The following GRAMD1C variants were observed in gnomAD, a reference collection of about 807,000 sequenced individuals.
GRAMD1C encodes the protein GRAM domain containing 1C, also known as protein Aster-C.
In GRAMD1C, 89 loss-of-function variants were observed where a neutral mutation model predicts 97.8. The observed-to-expected ratio is 0.91, with a 90% CI of 0.77 to 1.09. The LOEUF (loss-of-function observed/expected upper bound fraction) is 1.09. GRAMD1C is among the 50% of genes least tolerant of loss of function. The pLI is 0.00. For missense variants in GRAMD1C, 740 were observed against 766.4 expected (o/e 0.97, Z 0.41); for synonymous variants, 256 against 267.0 (o/e 0.96, Z 0.40).
At chr3:113,848,023 G>T (rs1559776174) in intron 2 of GRAMD1C, among the ~76,000 whole-genome samples, 1 of 152,192 alleles carries the variant, frequency 6.6e-6, no homozygotes, top group Non-Finnish European at 1.5e-5. Context: ...AAAAGTATTG[G>T]TATTTACAGA....
Position 113,904,610 on chromosome 3 carries a change from GT to G in GRAMD1C, c.789+351del, listed in dbSNP as rs199523688. 6.8e-3 allele frequency among the ~76,000 whole-genome samples: 1,001 copies of G among 146,774 alleles called. 13 individuals carry two copies. Among genetic ancestry groups the G allele is most frequent in the African/African-American group, 0.021 (829 of 39,882 alleles). On this transcript the variant is annotated intron_variant, in intron 8 of 17. Transcript: ENST00000358160. ...GTACTGTGTGTGCTGGAAAGAATCT[GT>G]TTTTTTTTTTTTCTTTCTTTCTTTC...
chr3:113,908,070 T>A (rs1175656460), intron 8 of GRAMD1C, among the ~76,000 whole-genome samples: 4 of 152,206 alleles, frequency 2.6e-5, no homozygotes. Context: ...GGGTGGCCAG[T>A]GGAAACCTGT....
rs1934992836 is a variant in GRAMD1C, at chr3:113,875,561, A to G, written c.337A>G (p.Ser113Gly). The G allele has an allele frequency of 4.0e-6, 6 of 1,502,118 alleles. No homozygotes were observed. The African/African-American group carries it at 6.8e-5, about 17-fold the overall frequency. 93.0% of individuals were successfully genotyped at this position (1,502,118 alleles called of 1,614,324 possible). ...YLSENWLCFY[S>G]NIFRWETTIS... ...TTCAGAAAACTGGCTATGTTTCTAT[A>G]GCAACATCTTCAGATGGGAAACTAC... is the stretch of plus-strand genomic sequence containing the variant. The change falls in exon 4 of 18, where the codon AGC becomes GGC. Residue 113 changes from serine to glycine, a missense_variant. Ser to Gly is a moderately conservative substitution (Grantham distance 56, BLOSUM62 0). Transcript: ENST00000358160.
At chr3:113,887,096 G>GTTTTTTTTTT (rs59820635) in intron 6 of GRAMD1C, among the ~76,000 whole-genome samples, 2 of 94,050 alleles carry the variant, frequency 2.1e-5, no homozygotes, top group East Asian at 4.3e-4. Flanking sequence ...TTTTTTTTTT[G>GTTTTTTTTTT]TTTTTTTTTT....
At chr3:113,913,436 A>G (rs1441804735) in intron 9 of GRAMD1C, among the ~76,000 whole-genome samples, 2,120 of 150,498 alleles carry the variant, frequency 0.014, 21 homozygotes, top group African/African-American at 0.049. Context: ...CTCCAAAAAA[A>G]AAAAAAAAAA....
At chr3:113,873,682 C>T (rs1238597634) in intron 3 of GRAMD1C, among the ~76,000 whole-genome samples, 1 of 152,086 alleles carries the variant, frequency 6.6e-6, no homozygotes, top group African/African-American at 2.4e-5. Flanking sequence ...CCATACCTGG[C>T]TAATTTTTGT....
intron 10 of GRAMD1C, among the ~76,000 whole-genome samples, chr3:113,918,119 C>A (rs1220891659): frequency 6.6e-6 from 1 of 152,078 alleles, no homozygotes; most frequent in Non-Finnish European, 1.5e-5. Context: ...AGTAGCTATT[C>A]TCCTGTGATT....
Position 113,936,551 on chromosome 3 carries a change from C to T in GRAMD1C, c.1633+109C>T, listed in dbSNP as rs545298048. 13 of 644,640 alleles carry T rather than the reference C, an allele frequency of 2.0e-5. No homozygotes were observed. In the South Asian group the frequency reaches 2.9e-4, roughly 14 times the overall value. The allele number at this position is 644,640 out of a possible 1,614,324, so 39.9% of individuals were successfully genotyped here. On this transcript the variant is annotated intron_variant, in intron 14 of 17. Transcript: ENST00000358160. ...GTCAGGAGGTCTCCTTTTCTTCCCTCCTTTTTGGATAATGTTTATCAAACT... is the reference window on the plus strand; with the variant it reads ...GTCAGGAGGTCTCCTTTTCTTCCCTTCTTTTTGGATAATGTTTATCAAACT...
chr3:113,919,024 CT>C (rs1936937944), intron 10 of GRAMD1C, among the ~76,000 whole-genome samples: 2 of 152,118 alleles, frequency 1.3e-5, no homozygotes, highest in Admixed American at 6.6e-5. Context: ...TCAAAGGCTC[CT>C]TTTTAAAAAT....
intron 11 of GRAMD1C, 57 bp downstream of exon 11, chr3:113,930,889 C>A: frequency 1.2e-6 from 1 of 857,174 alleles, no homozygotes; most frequent in South Asian, 1.5e-5. Context: ...AGAGAAGATG[C>A]CTATTATAGT....
Position 113,913,260 on chromosome 3 carries a change from C to T in GRAMD1C, c.953-2441C>T, listed in dbSNP as rs1214659175. On this transcript the variant is annotated intron_variant, in intron 9 of 17. Coordinates refer to ENST00000358160, the MANE Select transcript of GRAMD1C (RefSeq NM_017577.5). ...GTAGTTTCAGCTGGATGTGGTGGCG[C>T]GCGCTTGTAATCCCAGCACTTTGGA... 6 of 424,822 alleles carry T rather than the reference C, an allele frequency of 1.4e-5. No individual in the cohort carries two copies. The East Asian group carries it at 3.1e-4, about 22-fold the overall frequency. The allele number at this position is 424,822 out of a possible 1,614,324, so 26.3% of individuals were successfully genotyped here.
chr3:113,885,810 C>A, intron 6 of GRAMD1C: 1 of 1,610,534 alleles, frequency 6.2e-7, no homozygotes, highest in Non-Finnish European at 8.5e-7. Flanking sequence ...CATCAAGGAC[C>A]TCTCTGTGGT....
chr3:113,867,581 C>T (rs150944277), intron 2 of GRAMD1C, among the ~76,000 whole-genome samples: 83 of 152,342 alleles, frequency 5.4e-4, no homozygotes, highest in African/African-American at 1.9e-3. Context: ...GATGCATGTG[C>T]CACTACGCCA....
intron 6 of GRAMD1C, among the ~76,000 whole-genome samples, chr3:113,887,309 C>T (rs1022474666): frequency 5.3e-5 from 8 of 151,294 alleles, no homozygotes; most frequent in African/African-American, 1.9e-4. Flanking sequence ...TCAGGCTGGC[C>T]TCTAACTTCT....
At chr3:113,872,185 A>G (rs1369271192) in intron 3 of GRAMD1C, among the ~76,000 whole-genome samples, 1 of 152,158 alleles carries the variant, frequency 6.6e-6, no homozygotes, top group Non-Finnish European at 1.5e-5. Flanking sequence ...CTTACAACCA[A>G]GACCACTTCA....
Position 113,934,545 on chromosome 3 carries a change from T to C in GRAMD1C, c.1456+10T>C, listed in dbSNP as rs764223831. 8.4e-7 allele frequency: 1 copy of C among 1,190,968 alleles called. No individual in the cohort carries two copies. Among genetic ancestry groups the C allele is most frequent in the South Asian group, 1.4e-5 (1 of 73,140 alleles). 73.8% of individuals were successfully genotyped at this position (1,190,968 alleles called of 1,614,324 possible). On this transcript the variant is annotated intron_variant, in intron 13 of 17. Coordinates refer to ENST00000358160, the MANE Select transcript of GRAMD1C (RefSeq NM_017577.5). ...TATTTCAAACAGCTTGGTTTGTAAA[T>C]TTTTTTATTTATCTATTTTTGTAAA... is the stretch of plus-strand genomic sequence containing the variant.
chr3:113,915,635 C>T, intron 9 of GRAMD1C, 66 bp from the exon 10 acceptor site: 1 of 1,326,302 alleles, frequency 7.5e-7, no homozygotes, highest in Non-Finnish European at 1.1e-6. Flanking sequence ...CCACGAAACC[C>T]CCTAAAGCCT....
chr3:113,924,095 T>G (rs1476265164), intron 10 of GRAMD1C, among the ~76,000 whole-genome samples: 1 of 151,348 alleles, frequency 6.6e-6, no homozygotes, highest in Non-Finnish European at 1.5e-5. Flanking sequence ...TCTGGGGTTT[T>G]TTTTTTTTTT....
At position 113,862,251 on chromosome 3, in the gene GRAMD1C, G is replaced by T. The variant is rs1432599829; in HGVS notation, c.175-7256G>T. ...TTTCCTTGTCCTAATAAGCCTAGGA[G>T]TGCCACGGGAGACTGGGGCTTATTT... On this transcript the variant is annotated intron_variant, in intron 2 of 17. Coordinates refer to ENST00000358160, the MANE Select transcript of GRAMD1C (RefSeq NM_017577.5). Among the ~76,000 whole-genome samples, 3 of 152,168 alleles carry T rather than the reference G, an allele frequency of 2.0e-5. No individual in the cohort carries two copies. The East Asian group carries it at 5.8e-4, about 29-fold the overall frequency.
Sources: allele counts gnomAD v4.1 joint callset (sites outside exome capture counted in the v4.1 genomes callset), GRCh38; gene constraint gnomAD v4.1.1; transcripts MANE v1.5; gene names NCBI Gene and HGNC (gene_info 2026-07-23, HGNC 2026-07-21).